The following CDK5RAP2 variants were observed in gnomAD, a reference collection of about 807,000 sequenced individuals.
CDK5RAP2 encodes CDK5 regulatory subunit associated protein 2.
CDK5RAP2 carries 147 observed loss-of-function variants against 232.9 expected under a neutral mutation model. That is an observed-to-expected ratio of 0.63 (90% CI 0.55 to 0.72). The LOEUF (loss-of-function observed/expected upper bound fraction) is 0.72, where lower values mean the gene tolerates loss of function less well. Among genes scored for constraint, CDK5RAP2 ranks in the 30% least tolerant of loss-of-function variants. The pLI is 0.00. For missense variants in CDK5RAP2, 2,195 were observed against 2,231.5 expected, an observed-to-expected ratio of 0.98 and a Z score of 0.33; for synonymous variants, 833 against 833.7, an observed-to-expected ratio of 1.00 and a Z score of 0.01.
intron 1 of CDK5RAP2, among the ~76,000 whole-genome samples, chr9:120,572,690 T>G (rs1466451920): frequency 2.6e-5 from 4 of 152,204 alleles, no homozygotes; most frequent in Admixed American, 1.3e-4. Flanking sequence ...TACCCTGATC[T>G]ATTCTAAGCT....
chr9:120,539,274 T>C (rs988456275), intron 5 of CDK5RAP2, 110 bp from the exon 6 acceptor site: 58 of 1,337,162 alleles, frequency 4.3e-5, no homozygotes, highest in Non-Finnish European at 5.5e-5. Context: ...CACAGACCTG[T>C]GCTGAGCTTC....
In CDK5RAP2 at chr9:120,415,084, T is replaced by C; in HGVS notation, c.4253A>G (p.Lys1418Arg). Reference sequence around the variant, plus strand: ...TTGCCGTTCCAACTGTTTCCGTAGCTTCTCATTTGTTTTAATAGATTCTTC... The same window carrying C: ...TTGCCGTTCCAACTGTTTCCGTAGCCTCTCATTTGTTTTAATAGATTCTTC... ...RLEESIKTNE[K>R]LRKQLERQGS... Residue 1418 changes from lysine (K) to arginine (R), a missense_variant, in exon 28 of 38, where the codon AAG becomes AGG. Transcript: ENST00000349780. The C allele has an allele frequency of 6.2e-7, 1 of 1,614,226 alleles. No homozygotes were observed. The highest frequency in any genetic ancestry group is 8.5e-7 in the Non-Finnish European group (1 of 1,180,014).
At chr9:120,486,608 T>C (rs1450169403) in intron 14 of CDK5RAP2, among the ~76,000 whole-genome samples, 3 of 151,846 alleles carry the variant, frequency 2.0e-5, no homozygotes, top group Admixed American at 2.0e-4. Context: ...GGAGCCCAGG[T>C]GAGAGGAAGC....
At chr9:120,441,611 C>A (rs74344951) in intron 23 of CDK5RAP2, among the ~76,000 whole-genome samples, 2,280 of 152,254 alleles carry the variant, frequency 0.015, 56 homozygotes, top group African/African-American at 0.052. Context: ...GGAGATCTCT[C>A]AGAAAGAAAT....
chr9:120,433,388 A>G (rs1161640467), intron 25 of CDK5RAP2, among the ~76,000 whole-genome samples: 1 of 152,232 alleles, frequency 6.6e-6, no homozygotes, highest in Non-Finnish European at 1.5e-5. Context: ...CCATGCACCC[A>G]GCACTGAGCC....
chr9:120,447,423 A>T (rs938979415), intron 22 of CDK5RAP2, among the ~76,000 whole-genome samples: 1 of 152,226 alleles, frequency 6.6e-6, no homozygotes, highest in African/African-American at 2.4e-5. Context: ...CCAGGAGAGC[A>T]GAGCCAGCAG....
At chr9:120,431,786 A>G (rs890791140) in intron 25 of CDK5RAP2, among the ~76,000 whole-genome samples, 8 of 152,238 alleles carry the variant, frequency 5.3e-5, no homozygotes, top group Non-Finnish European at 1.2e-4. Flanking sequence ...AGCTTACTCA[A>G]AAATACCTAC....
intron 25 of CDK5RAP2, among the ~76,000 whole-genome samples, chr9:120,425,776 T>C (rs1387574025): frequency 6.6e-6 from 1 of 152,202 alleles, no homozygotes; most frequent in Non-Finnish European, 1.5e-5. Flanking sequence ...TGGTAGAAAC[T>C]AATTCTATTT....
At chr9:120,399,329 T>C (rs1275963817) in intron 35 of CDK5RAP2, among the ~76,000 whole-genome samples, 1 of 152,228 alleles carries the variant, frequency 6.6e-6, no homozygotes, top group Admixed American at 6.5e-5. Context: ...CATGTTTATG[T>C]TAAAATCATA....
intron 7 of CDK5RAP2, among the ~76,000 whole-genome samples, chr9:120,533,670 C>A (rs2041255935): frequency 6.6e-6 from 1 of 151,866 alleles, no homozygotes. Flanking sequence ...TGGTGGCGGG[C>A]AACTGTAATC....
chr9:120,518,507 A>T lies in CDK5RAP2; in HGVS notation c.1231T>A (p.Leu411Met). The change falls in exon 12 of 38, where the codon TTG becomes ATG. Residue 411 changes from leucine to methionine, a missense_variant. Physicochemically the swap from Leu to Met is conservative, Grantham distance 15. Coordinates refer to ENST00000349780, the MANE Select transcript of CDK5RAP2 (RefSeq NM_018249.6). ...IKKITQELSD[L>M]QQERERLEKD... is the part of the protein sequence containing the mutation. ...TCCAGTCTCTCCCTCTCCTGCTGCA[A>T]GTCACTCAGCTCCTGGGTGATCTTC... is the stretch of plus-strand genomic sequence containing the variant. The T allele has an allele frequency of 6.2e-7, 1 of 1,613,550 alleles. No homozygotes were observed. The highest frequency in any genetic ancestry group is 8.5e-7 in the Non-Finnish European group (1 of 1,179,916).
At chr9:120,483,679 A>C (rs2038443982) in intron 14 of CDK5RAP2, among the ~76,000 whole-genome samples, 1 of 152,242 alleles carries the variant, frequency 6.6e-6, no homozygotes. Context: ...ACAGATTAGG[A>C]AAGTGAGTTT....
intron 14 of CDK5RAP2, among the ~76,000 whole-genome samples, chr9:120,485,879 G>A (rs2038572760): frequency 6.6e-6 from 1 of 152,156 alleles, no homozygotes; most frequent in Admixed American, 6.5e-5. Context: ...TCTCCAGATT[G>A]CTGGCCCAGC....
At chr9:120,574,641 C>A (rs1354894662) in intron 1 of CDK5RAP2, among the ~76,000 whole-genome samples, 1 of 152,192 alleles carries the variant, frequency 6.6e-6, no homozygotes, top group African/African-American at 2.4e-5. Flanking sequence ...TCTAAGAAAC[C>A]TGCCCTTGTA....
intron 12 of CDK5RAP2, among the ~76,000 whole-genome samples, chr9:120,499,220 G>T (rs1026469791): frequency 6.6e-6 from 1 of 152,154 alleles, no homozygotes; most frequent in Admixed American, 6.5e-5. Flanking sequence ...TCTGGGAATT[G>T]CTTAAAATAA....
intron 25 of CDK5RAP2, among the ~76,000 whole-genome samples, chr9:120,426,045 A>G (rs1588300521): frequency 6.6e-6 from 1 of 152,306 alleles, no homozygotes; most frequent in South Asian, 2.1e-4. Flanking sequence ...TGGAGGGAAG[A>G]ACTGCTTTAT....
At chr9:120,389,636 G>T in intron 37 of CDK5RAP2, 105 bp downstream of exon 37, 2 of 1,078,108 alleles carry the variant, frequency 1.9e-6, no homozygotes, top group Non-Finnish European at 1.4e-6. Flanking sequence ...AGGAGGACAT[G>T]TCCCCTGGTT....
Position 120,453,766 on chromosome 9 carries a change from T to C in CDK5RAP2, c.2483A>G (p.Lys828Arg), listed in dbSNP as rs1483824632. ...AAAATGTACAAGTTCACCTTTTTGCTTAGGTGTCTTCTCAGTTTTACCATC... is the reference window on the plus strand; with the variant it reads ...AAAATGTACAAGTTCACCTTTTTGCCTAGGTGTCTTCTCAGTTTTACCATC... Reference protein sequence around the residue: ...HLDGKTEKTPKQKGELVHFVQ... With the variant: ...HLDGKTEKTPRQKGELVHFVQ... The change falls in exon 21 of 38, where the codon AAG becomes AGG. Residue 828 changes from lysine to arginine, a missense_variant. By Grantham distance (26) the Lys-to-Arg change is conservative. Coordinates refer to ENST00000349780, the MANE Select transcript of CDK5RAP2 (RefSeq NM_018249.6). 1 of 1,614,224 alleles carries C rather than the reference T, an allele frequency of 6.2e-7. No homozygotes were observed. Among genetic ancestry groups the C allele is most frequent in the Non-Finnish European group, 8.5e-7 (1 of 1,180,026 alleles).
At chr9:120,483,440 AG>A (rs2038431848) in intron 14 of CDK5RAP2, among the ~76,000 whole-genome samples, 1 of 152,198 alleles carries the variant, frequency 6.6e-6, no homozygotes, top group African/African-American at 2.4e-5. Flanking sequence ...GACTCAGATG[AG>A]GTCCATGGTG....
Sources: gnomAD v4.1 joint callset for allele counts (sites outside exome capture counted in the v4.1 genomes callset) on GRCh38, gnomAD v4.1.1 for gene constraint, MANE v1.5 for transcripts, NCBI Gene and HGNC (gene_info 2026-07-23, HGNC 2026-07-21) for gene names.